Variants in ERI3 observed in about 807,000 individuals in gnomAD.
ERI3 encodes the protein ERI1 exoribonuclease 3.
A neutral mutation model predicts 44.4 loss-of-function variants in ERI3; 18 were observed. The ratio of observed to expected loss-of-function variants is 0.41; its 90% CI spans 0.28 to 0.60. The LOEUF (loss-of-function observed/expected upper bound fraction) is 0.60, where lower values mean the gene tolerates loss of function less well. Ranked by LOEUF, ERI3 falls within the 20% of genes least tolerant of loss-of-function variation. ERI3 has a pLI of 0.36. For missense variants in ERI3, 294 were observed against 435.5 expected, an observed-to-expected ratio of 0.68 and a Z score of 2.89; for synonymous variants, 183 against 164.8, an observed-to-expected ratio of 1.11 and a Z score of -0.84.
At chr1:44,255,718 G>A (rs948601323) in intron 7 of ERI3, among the ~76,000 whole-genome samples, 1 of 152,028 alleles carries the variant, frequency 6.6e-6, no homozygotes, top group African/African-American at 2.4e-5. Context: ...TTCTTCTCCT[G>A]GGCTCCCAAA....
At chr1:44,309,926 C>CATCT (rs1323122962) in intron 5 of ERI3, among the ~76,000 whole-genome samples, 3 of 151,704 alleles carry the variant, frequency 2.0e-5, no homozygotes, top group Non-Finnish European at 4.4e-5. Context: ...AAGTCAGACA[C>CATCT]ATCTGGATTC....
chr1:44,273,951 C>A (rs983768769), intron 7 of ERI3, among the ~76,000 whole-genome samples: 1 of 152,164 alleles, frequency 6.6e-6, no homozygotes, highest in African/African-American at 2.4e-5. Flanking sequence ...GTGCAATGAG[C>A]TGGATCATCC....
rs990348639 is a variant in ERI3, at chr1:44,297,982, C to T, written c.758+10328G>A. On this transcript the variant is annotated intron_variant, in intron 6 of 8. Transcript: ENST00000372257. ...AAAAGGCCACAAGCCCTAGAGAAGT[C>T]CTGCCAAGGTGGCAAGGGCTTTGCC... is the stretch of plus-strand genomic sequence containing the variant. Among the ~76,000 whole-genome samples, 4 of 152,246 alleles carry T rather than the reference C, an allele frequency of 2.6e-5. No individual in the cohort carries two copies. In the South Asian group the frequency reaches 8.3e-4, roughly 31 times the overall value.
intron 7 of ERI3, among the ~76,000 whole-genome samples, chr1:44,281,413 C>A (rs1471733049): frequency 1.3e-5 from 2 of 151,610 alleles, no homozygotes; most frequent in Admixed American, 1.3e-4. Context: ...CATGGCAAAA[C>A]CCCTTCTCTA....
intron 6 of ERI3, 139 bp downstream of exon 6, chr1:44,308,171 C>T (rs978186047): frequency 1.6e-5 from 11 of 690,774 alleles, no homozygotes; most frequent in South Asian, 5.4e-5. Context: ...GGCTCCCAAC[C>T]GTCTTCTATC....
chr1:44,222,342 A>T (rs941006124), intron 8 of ERI3, among the ~76,000 whole-genome samples: 2 of 152,190 alleles, frequency 1.3e-5, no homozygotes, highest in Admixed American at 6.5e-5. Flanking sequence ...TCAGCCGTCT[A>T]CCAAACCCTC....
In ERI3 at chr1:44,252,140, T is replaced by C. The variant is rs957546924; in HGVS notation, c.832-4102A>G. On this transcript the variant is annotated intron_variant, in intron 7 of 8. Transcript: ENST00000372257. This position sits in a 1 kb window ranked among gnomAD's most constrained non-coding sequence, Gnocchi z 4.7. The stretch of plus-strand genomic sequence containing the variant: ...GGGGCAGGTAGGAAGATGACTGAGG[T>C]GCTCCTGAGTCCTGTCCAGGGCAGG... Among the ~76,000 whole-genome samples, 27 of 152,186 alleles carry C rather than the reference T, an allele frequency of 1.8e-4. No individual in the cohort carries two copies. Among genetic ancestry groups the C allele is most frequent in the Middle Eastern group, 3.2e-3 (1 of 316 alleles).
chr1:44,304,507 G>A (rs533009640), intron 6 of ERI3, among the ~76,000 whole-genome samples: 1 of 152,270 alleles, frequency 6.6e-6, no homozygotes, highest in East Asian at 1.9e-4. Context: ...CAGCTGTTGA[G>A]CAATGCCAAG....
chr1:44,242,993 G>A lies in ERI3; in HGVS notation c.931+4946C>T, dbSNP rs985775815. The stretch of plus-strand genomic sequence containing the variant: ...TTTGGTACAAGCGTCTCCCTGAGCC[G>A]ACGATTCTCCCGCAGTGACACCTCT... On this transcript the variant is annotated intron_variant, in intron 8 of 8. Transcript: ENST00000372257. 5.3e-5 allele frequency among the ~76,000 whole-genome samples: 8 copies of A among 152,218 alleles called. No homozygotes were observed. The East Asian group carries it at 5.8e-4, about 11-fold the overall frequency.
intron 5 of ERI3, among the ~76,000 whole-genome samples, chr1:44,311,449 G>A (rs187112905): frequency 4.1e-4 from 62 of 152,226 alleles, no homozygotes; most frequent in South Asian, 8.3e-4. Context: ...AGCCCGGTCC[G>A]GTCTCCTACC....
At chr1:44,257,050 C>T (rs1644795391) in intron 7 of ERI3, 2 of 152,204 alleles carry the variant, frequency 1.3e-5, no homozygotes, top group South Asian at 4.1e-4. Context: ...ATTACAATTT[C>T]CTCTCCCACC....
chr1:44,350,691 G>A (rs1248641846), intron 2 of ERI3, among the ~76,000 whole-genome samples: 1 of 152,168 alleles, frequency 6.6e-6, no homozygotes, highest in East Asian at 1.9e-4. Context: ...AAAGAGAACT[G>A]TTATATATGC....
intron 6 of ERI3, among the ~76,000 whole-genome samples, chr1:44,287,166 A>G (rs1203018460): frequency 1.3e-5 from 2 of 152,320 alleles, no homozygotes; most frequent in East Asian, 1.9e-4. Flanking sequence ...GAAAAACCCA[A>G]TGGATTTAGT....
chr1:44,312,305 T>TA (rs1645988813), intron 5 of ERI3, among the ~76,000 whole-genome samples: 1 of 152,116 alleles, frequency 6.6e-6, no homozygotes, highest in Non-Finnish European at 1.5e-5. Context: ...TTATTGGTCT[T>TA]AAAAAATAAA....
chr1:44,317,334 T>A (rs551720902), intron 4 of ERI3, among the ~76,000 whole-genome samples: 2 of 152,300 alleles, frequency 1.3e-5, no homozygotes, highest in South Asian at 4.1e-4. Flanking sequence ...CCAGGTTGGA[T>A]GAGGTTTCAG....
intron 7 of ERI3, among the ~76,000 whole-genome samples, chr1:44,263,261 C>A (rs1644928583): frequency 6.6e-6 from 1 of 152,146 alleles, no homozygotes; most frequent in Non-Finnish European, 1.5e-5. Context: ...CCCAAGCGAC[C>A]CAAGGAGGTC....
chr1:44,317,021 G>A (rs1646101646), intron 4 of ERI3, among the ~76,000 whole-genome samples: 2 of 152,198 alleles, frequency 1.3e-5, no homozygotes, highest in South Asian at 4.1e-4. Context: ...AAAAGTAGGA[G>A]TCTCTCTGTG....
At chr1:44,296,687 G>T (rs888332686) in intron 6 of ERI3, among the ~76,000 whole-genome samples, 6 of 152,090 alleles carry the variant, frequency 3.9e-5, no homozygotes, top group Non-Finnish European at 7.4e-5. Context: ...ACCTTTTAGG[G>T]GCCCCATAAT....
intron 8 of ERI3, among the ~76,000 whole-genome samples, chr1:44,231,980 A>T (rs1355654812): frequency 6.6e-6 from 1 of 152,228 alleles, no homozygotes; most frequent in African/African-American, 2.4e-5. Context: ...GAGGGGAGTT[A>T]GCCTATGAAG....
Sources: gnomAD v4.1 joint callset for allele counts (sites outside exome capture counted in the v4.1 genomes callset) on GRCh38, gnomAD v4.1.1 for gene constraint, Gnocchi (gnomAD v3.1) non-coding constraint, MANE v1.5 for transcripts, NCBI Gene and HGNC (gene_info 2026-07-23, HGNC 2026-07-21) for gene names.